Variants in CDC42BPG observed in about 807,000 individuals in gnomAD.
The protein encoded by CDC42BPG is serine/threonine-protein kinase MRCK gamma.
CDC42BPG carries 157 observed loss-of-function variants against 192.2 expected under a neutral mutation model. The observed-to-expected ratio is 0.82, with a 90% CI of 0.72 to 0.93. The LOEUF (loss-of-function observed/expected upper bound fraction) is 0.93. Ranked by LOEUF, CDC42BPG falls within the 40% of genes least tolerant of loss-of-function variation. CDC42BPG has a pLI of 0.00. For synonymous variants in CDC42BPG, 981 were observed against 918.5 expected (o/e 1.07, Z -1.23); for missense variants, 1,992 against 2,122.1 (o/e 0.94, Z 1.20).
Position 64,829,722 on chromosome 11 carries a change from CAT to C in CDC42BPG, c.3714_3715del (p.Val1240GlyfsTer27). On this transcript the variant is annotated frameshift_variant, in exon 30 of 37. Transcript: ENST00000342711. LOFTEE classifies it high-confidence loss of function. ...TGCAAAGCCACCGGCGGCGCCCACA[CAT>C]AGCCGGTCGCCCAGCAGCCCCAGGC... The C allele has an allele frequency of 6.2e-7, 1 of 1,609,688 alleles. No homozygotes were observed. Among genetic ancestry groups the C allele is most frequent in the Non-Finnish European group, 8.5e-7 (1 of 1,178,732 alleles).
rs1460313825 is a variant in CDC42BPG at position 64,825,554 on chromosome 11, G to A, written c.4599+916C>T. Among the ~76,000 whole-genome samples, 4 of 152,164 alleles carry A rather than the reference G, an allele frequency of 2.6e-5. 1 individual carries two copies. The South Asian group carries it at 6.2e-4, about 24-fold the overall frequency. On this transcript the variant is annotated intron_variant, in intron 36 of 36. Transcript: ENST00000342711. ...GGCATTCAAAACAGAGGGGACTGCAGGGGCAAGAGCCTGCAGGTGTGGAAG... is the reference window on the plus strand; with the variant it reads ...GGCATTCAAAACAGAGGGGACTGCAAGGGCAAGAGCCTGCAGGTGTGGAAG...
chr11:64,830,276 G>A lies in CDC42BPG; in HGVS notation c.3305-20C>T, dbSNP rs774977837. The A allele has an allele frequency of 3.2e-6, 5 of 1,584,576 alleles. No individual in the cohort carries two copies. The highest frequency in any genetic ancestry group is 1.1e-5 in the South Asian group (1 of 87,666). On this transcript the variant is annotated intron_variant, in intron 28 of 36. Coordinates refer to ENST00000342711, the MANE Select transcript of CDC42BPG (RefSeq NM_017525.3). ...CCTGGTCTGGTAGAGGGAGGCAGAG[G>A]GTCAGAGGTCAGCAGTCCCACTCAA...
At chr11:64,835,230 C>T (rs1430533689) in intron 16 of CDC42BPG, 77 bp from the exon 17 acceptor site, 2 of 1,602,440 alleles carry the variant, frequency 1.2e-6, no homozygotes, top group East Asian at 4.5e-5. Context: ...GGTACCCCAG[C>T]ACCCCGAGCC....
chr11:64,835,690 C>T (rs1018422964), intron 14 of CDC42BPG, 69 bp from the exon 15 acceptor site: 3 of 1,601,704 alleles, frequency 1.9e-6, no homozygotes, highest in Non-Finnish European at 2.6e-6. Flanking sequence ...GGACACAGGC[C>T]TGGCCCTGAG....
At chr11:64,827,641 C>T (rs753816698) in intron 31 of CDC42BPG, 30 bp from the exon 32 acceptor site, 4 of 1,606,076 alleles carry the variant, frequency 2.5e-6, no homozygotes, top group Middle Eastern at 1.7e-4. Flanking sequence ...GGTCAGGCCA[C>T]GCCTCCACCC....
At chr11:64,827,662 C>A in intron 31 of CDC42BPG, 24 bp downstream of exon 31, 1 of 1,607,238 alleles carries the variant, frequency 6.2e-7, no homozygotes. Flanking sequence ...CCGGCGCTAC[C>A]CCAGGGCTCT....
intron 24 of CDC42BPG, 65 bp downstream of exon 24, chr11:64,833,166 G>T: frequency 7.4e-7 from 1 of 1,345,700 alleles, no homozygotes. Context: ...GGGAGAAACA[G>T]CCTGGGTATG....
Position 64,829,807 on chromosome 11 carries a change from C to T in CDC42BPG, c.3631G>A (p.Gly1211Ser), listed in dbSNP as rs55986417. The change falls in exon 30 of 37, where the codon GGC becomes AGC. Residue 1211 changes from glycine to serine, a missense_variant. Gly to Ser is a moderately conservative substitution (Grantham distance 56). This residue lies in a region of CDC42BPG where 1,656 missense variants were observed against 1,844.3 expected (regional missense o/e 0.90). Coordinates refer to ENST00000342711, the MANE Select transcript of CDC42BPG (RefSeq NM_017525.3). ...RQVLCYQLGP[G>S]PGPWQRRIRE... ...ATGCGGCGCTGCCAGGGCCCAGGGC[C>T]CGGGCCCAGCTGGTAGCAGAGCACC... 1,598 of 1,604,380 alleles carry T rather than the reference C, an allele frequency of 1.0e-3. 3 individuals carry two copies. The highest frequency in any genetic ancestry group is 1.2e-3 in the Non-Finnish European group (1,465 of 1,176,978).
At position 64,829,426 on chromosome 11, in the gene CDC42BPG, A is replaced by G. The variant is rs774235319; in HGVS notation, c.3967+45T>C. ...GGCGGGACCCTGTCTTCACCCACCC[A>G]CTGAAGGTGCCTGGCCCCCCTGCCA... On this transcript the variant is annotated intron_variant, in intron 30 of 36. Coordinates refer to ENST00000342711, the MANE Select transcript of CDC42BPG (RefSeq NM_017525.3). 6.9e-6 allele frequency: 11 copies of G among 1,588,922 alleles called. No homozygotes were observed. The African/African-American group carries it at 1.5e-4, about 22-fold the overall frequency.
intron 1 of CDC42BPG, among the ~76,000 whole-genome samples, chr11:64,843,777 C>T (rs2136435139): frequency 6.6e-6 from 1 of 152,344 alleles, no homozygotes. Context: ...GCCACAGCCC[C>T]CAAGGAGCTT....
Position 64,832,705 on chromosome 11 carries a change from G to A in CDC42BPG, c.2904C>T (p.Arg968=), listed in dbSNP as rs146961448. ...RPSGVRRGWQ[R]VFAALSDSRL... ...GTGAGTCACTCAGGGCAGCAAACAC[G>A]CGCTGCCAGCCCCGCCGGACACCTG... The change falls in exon 26 of 37, where the codon CGC becomes CGT. Residue 968 remains arginine, a synonymous_variant. Transcript: ENST00000342711. 67 of 1,611,778 alleles carry A rather than the reference G, an allele frequency of 4.2e-5. No homozygotes were observed. The highest frequency in any genetic ancestry group is 1.0e-4 in the Admixed American group (6 of 59,862).
At chr11:64,835,904 C>T in intron 13 of CDC42BPG, 53 bp from the exon 14 acceptor site, 1 of 1,516,120 alleles carries the variant, frequency 6.6e-7, no homozygotes, top group Non-Finnish European at 8.9e-7. Context: ...GGCAGCCCCT[C>T]TGCCCACCTT....
intron 1 of CDC42BPG, 66 bp downstream of exon 1, chr11:64,844,344 C>G (rs2136441323): frequency 7.8e-7 from 1 of 1,287,052 alleles, no homozygotes. Context: ...GGAAAGTCTG[C>G]GGGTGCGGGG....
At position 64,830,105 on chromosome 11, in the gene CDC42BPG, G is replaced by T. The variant is rs77881021; in HGVS notation, c.3368-35C>A. On this transcript the variant is annotated intron_variant, in intron 29 of 36. Coordinates refer to ENST00000342711, the MANE Select transcript of CDC42BPG (RefSeq NM_017525.3). ...TGGCGAGGGGAGAGTGTCACTGGCA[G>T]GTGGTTGAAGAGTGACCCATCCCCA... is the stretch of plus-strand genomic sequence containing the variant. 5,214 of 1,612,038 alleles carry T rather than the reference G, an allele frequency of 3.2e-3. 151 individuals carry two copies. The African/African-American group carries it at 0.059, about 18-fold the overall frequency.
In CDC42BPG at chr11:64,833,801, C is replaced by G; in HGVS notation, c.2502G>C (p.Glu834Asp). Residue 834 changes from glutamate (E) to aspartate (D), a missense_variant, in exon 22 of 37, where the codon GAG becomes GAC. Physicochemically the swap from Glu to Asp is conservative, Grantham distance 45. Transcript: ENST00000342711. ...CTGGCTCTCCTCCATGCCTTGTGGC[C>G]TCTCCTGAGATGCCAGGGTCCTTGG... Reference protein sequence around the residue: ...DSAKDPGISGEATRHGGEPDL... With the variant: ...DSAKDPGISGDATRHGGEPDL... 6.2e-7 allele frequency: 1 copy of G among 1,614,262 alleles called. No homozygotes were observed. The highest frequency in any genetic ancestry group is 8.5e-7 in the Non-Finnish European group (1 of 1,180,044).
Position 64,834,348 on chromosome 11 carries a change from C to A in CDC42BPG, c.2331G>T (p.Leu777=). ...QEAQLQAERR[L]QEAEKQSQAL... is the part of the protein sequence containing the mutation. ...CCTGGCTCTGCTTCTCGGCCTCCTG[C>A]AGACGGCTGGGGAGAATGGCAAGGG... The change falls in exon 20 of 37, where the codon CTG becomes CTT. Residue 777 remains leucine (L), a synonymous_variant. Coordinates refer to ENST00000342711, the MANE Select transcript of CDC42BPG (RefSeq NM_017525.3). 6.4e-7 allele frequency: 1 copy of A among 1,570,226 alleles called. No individual in the cohort carries two copies.
rs1427052502 is a variant in CDC42BPG, at chr11:64,835,603, C to G, written c.1777G>C (p.Glu593Gln). The change falls in exon 15 of 37, where the codon GAG becomes CAG. Residue 593 changes from glutamate (E) to glutamine (Q), a missense_variant. Physicochemically the swap from Glu to Gln is conservative, Grantham distance 29. Transcript: ENST00000342711. ...TCAGGGGGTCCCATCCCGTTGGTCT[C>G]AGAGGCTGTGTGGATGGTCTTGGGG... ...SQAKTIHTAS[E>Q]TNGMGPPEGG... 6.4e-7 allele frequency: 1 copy of G among 1,571,652 alleles called. No homozygotes were observed. Among genetic ancestry groups the G allele is most frequent in the Admixed American group, 1.8e-5 (1 of 56,458 alleles).
chr11:64,825,379 G>C (rs1346254859), intron 36 of CDC42BPG, among the ~76,000 whole-genome samples: 2 of 152,186 alleles, frequency 1.3e-5, no homozygotes, highest in African/African-American at 4.8e-5. Flanking sequence ...CTGCAAGGAA[G>C]GTGTGGAGGG....
intron 36 of CDC42BPG, 81 bp downstream of exon 36, chr11:64,826,389 G>C: frequency 1.0e-6 from 1 of 958,476 alleles, no homozygotes; most frequent in Non-Finnish European, 1.6e-6. Flanking sequence ...CCCTAGCCTA[G>C]GTCACTGTGC....
Sources: allele counts gnomAD v4.1 joint callset (sites outside exome capture counted in the v4.1 genomes callset), GRCh38; gene constraint gnomAD v4.1.1; regional missense constraint gnomAD v4.1.1; transcripts MANE v1.5; gene names NCBI Gene and HGNC (gene_info 2026-07-23, HGNC 2026-07-21).